Variants in GABRG2 observed in about 807,000 individuals in gnomAD.
GABRG2 encodes the protein gamma-aminobutyric acid receptor subunit gamma-2.
A neutral mutation model predicts 56.4 loss-of-function variants in GABRG2; 16 were observed. The observed-to-expected ratio is 0.28, with a 90% CI of 0.19 to 0.43. GABRG2 has a LOEUF of 0.43. Ranked by LOEUF, GABRG2 falls within the 20% of genes least tolerant of loss-of-function variation. The pLI is 1.00. For synonymous variants in GABRG2, 208 were observed against 205.5 expected, an observed-to-expected ratio of 1.01 and a Z score of -0.10; for missense variants, 327 against 582.7, an observed-to-expected ratio of 0.56 and a Z score of 4.52.
chr5:162,096,766 A>G (rs916604356), intron 3 of GABRG2, among the ~76,000 whole-genome samples: 4 of 152,088 alleles, frequency 2.6e-5, no homozygotes, highest in African/African-American at 4.8e-5. Context: ...ACTGAAGTCA[A>G]CCGCTCTCCA....
chr5:162,072,434 G>A (rs1434382881), intron 1 of GABRG2, among the ~76,000 whole-genome samples: 2 of 152,032 alleles, frequency 1.3e-5, no homozygotes, highest in African/African-American at 4.8e-5. Flanking sequence ...TATAATCAGA[G>A]TAGTTTGGAG....
At chr5:162,092,348 C>G (rs1469564889) in intron 1 of GABRG2, among the ~76,000 whole-genome samples, 1 of 152,058 alleles carries the variant, frequency 6.6e-6, no homozygotes, top group Non-Finnish European at 1.5e-5. Context: ...TATGTTAGGC[C>G]TTTTGCAGAT....
chr5:162,111,423 C>T (rs560246458), intron 6 of GABRG2, among the ~76,000 whole-genome samples: 14 of 152,030 alleles, frequency 9.2e-5, no homozygotes, highest in East Asian at 3.9e-4. Context: ...TTTTAAGGGG[C>T]GGAGGGAGAT....
At chr5:162,081,706 C>A (rs992324556) in intron 1 of GABRG2, among the ~76,000 whole-genome samples, 26 of 151,128 alleles carry the variant, frequency 1.7e-4, no homozygotes, top group African/African-American at 6.1e-4. Context: ...AAATTAAAAT[C>A]ATAATATGAT....
At chr5:162,147,237 C>A (rs1354707634) in intron 7 of GABRG2, among the ~76,000 whole-genome samples, 1 of 148,740 alleles carries the variant, frequency 6.7e-6, no homozygotes, top group African/African-American at 2.5e-5. Flanking sequence ...TTTCTTTCTT[C>A]TTTCTTTCTC....
intron 1 of GABRG2, among the ~76,000 whole-genome samples, chr5:162,090,245 AACACAT>A (rs1023267119): frequency 2.6e-5 from 4 of 152,040 alleles, no homozygotes; most frequent in African/African-American, 7.2e-5. Context: ...AACCCATCCC[AACACAT>A]ACACATACAC....
At position 162,135,861 on chromosome 5, in the gene GABRG2, G is replaced by C. The variant is rs537801891; in HGVS notation, c.770-6303G>C. ...AGTGAAGAATCACTATTTAATATGA[G>C]TCCGGGAATATAGTGAGGGAAAAAC... On this transcript the variant is annotated intron_variant, in intron 6 of 9. Transcript: ENST00000639213. Among the ~76,000 whole-genome samples, 151 of 152,040 alleles carry C rather than the reference G, an allele frequency of 9.9e-4. 2 individuals carry two copies. The highest frequency in any genetic ancestry group is 3.4e-3 in the African/African-American group (142 of 41,404).
chr5:162,089,958 A>T (rs1436799005), intron 1 of GABRG2, among the ~76,000 whole-genome samples: 2 of 152,174 alleles, frequency 1.3e-5, no homozygotes, highest in Non-Finnish European at 2.9e-5. Flanking sequence ...ATATGTACCA[A>T]AATTAAAATG....
chr5:162,145,164 C>T (rs1195226822), intron 7 of GABRG2, among the ~76,000 whole-genome samples: 2 of 152,134 alleles, frequency 1.3e-5, no homozygotes, highest in Non-Finnish European at 2.9e-5. Flanking sequence ...TAAATTTATC[C>T]ACGTTGACTC....
intron 2 of GABRG2, among the ~76,000 whole-genome samples, chr5:162,095,004 A>C (rs1410573871): frequency 6.6e-6 from 1 of 152,130 alleles, no homozygotes; most frequent in Admixed American, 6.6e-5. Flanking sequence ...CATTAAAGGA[A>C]TCAACAGGGA....
intron 5 of GABRG2, chr5:162,103,588 A>G (rs1388416899): frequency 4.4e-5 from 17 of 387,134 alleles, no homozygotes; most frequent in Admixed American, 3.0e-4. Context: ...GGTATGCACT[A>G]TTCCAGATGA....
At chr5:162,104,717 A>C (rs544949058) in intron 6 of GABRG2, among the ~76,000 whole-genome samples, 2 of 152,246 alleles carry the variant, frequency 1.3e-5, no homozygotes, top group East Asian at 3.9e-4. Flanking sequence ...TACTAATATT[A>C]ATTATGATTA....
chr5:162,099,383 C>T (rs1761241010), intron 4 of GABRG2: 1 of 152,254 alleles, frequency 6.6e-6, no homozygotes, highest in South Asian at 2.1e-4. Flanking sequence ...ATGTTCCCAC[C>T]TCAGCCTCCC....
At chr5:162,082,947 G>T (rs985286792) in intron 1 of GABRG2, among the ~76,000 whole-genome samples, 1 of 151,626 alleles carries the variant, frequency 6.6e-6, no homozygotes, top group African/African-American at 2.4e-5. Context: ...CACGAGGGCA[G>T]ATTTGGCATT....
chr5:162,131,949 T>C (rs1182626052), intron 6 of GABRG2, among the ~76,000 whole-genome samples: 1 of 149,736 alleles, frequency 6.7e-6, no homozygotes, highest in Non-Finnish European at 1.5e-5. Context: ...AATATTCTAA[T>C]AGTAAAACTT....
chr5:162,100,342 A>G (rs2113347347), intron 4 of GABRG2: 1 of 152,290 alleles, frequency 6.6e-6, no homozygotes, highest in Non-Finnish European at 1.5e-5. Flanking sequence ...TTTTCCTAAA[A>G]TAATACTTTC....
At chr5:162,097,502 A>G (rs1761085929) in intron 3 of GABRG2, 136 bp from the exon 4 acceptor site, 1 of 697,254 alleles carries the variant, frequency 1.4e-6, no homozygotes, top group South Asian at 1.7e-5. Flanking sequence ...GCAAAACTCT[A>G]GCTTTCTTTT....
At chr5:162,078,766 G>C (rs1040935018) in intron 1 of GABRG2, among the ~76,000 whole-genome samples, 2 of 151,640 alleles carry the variant, frequency 1.3e-5, no homozygotes, top group Non-Finnish European at 2.9e-5. Flanking sequence ...CAGTGTGATG[G>C]CTCAGGATTT....
At chr5:162,118,702 A>T (rs1404497942) in intron 6 of GABRG2, among the ~76,000 whole-genome samples, 1 of 152,110 alleles carries the variant, frequency 6.6e-6, no homozygotes, top group Non-Finnish European at 1.5e-5. Context: ...TGAGATTGTG[A>T]CTCAAGTTCC....
Sources: gnomAD v4.1 joint callset for allele counts (sites outside exome capture counted in the v4.1 genomes callset) on GRCh38, gnomAD v4.1.1 for gene constraint, MANE v1.5 for transcripts, NCBI Gene and HGNC (gene_info 2026-07-23, HGNC 2026-07-21) for gene names.